Variants in SGSM3 observed in about 807,000 individuals in gnomAD.
SGSM3 encodes the protein RUN and SH3 containing 3.
Under a neutral mutation model 100.5 loss-of-function variants are expected in SGSM3, and 96 were observed. The ratio of observed to expected loss-of-function variants is 0.96; its 90% CI spans 0.81 to 1.13. SGSM3 has a LOEUF of 1.13. SGSM3 is among the 50% of genes most tolerant of loss of function. The pLI, the probability that SGSM3 is intolerant of heterozygous loss-of-function variation, is 0.00. For synonymous variants in SGSM3, 483 were observed against 422.8 expected (o/e 1.14, Z -1.75); for missense variants, 1,001 against 1,015.8 (o/e 0.99, Z 0.20).
At chr22:40,389,472 G>A (rs2049023362) in intron 1 of SGSM3, among the ~76,000 whole-genome samples, 2 of 151,450 alleles carry the variant, frequency 1.3e-5, no homozygotes, top group Non-Finnish European at 2.9e-5. Context: ...GGTGGCGGGC[G>A]CCTGTAGTCC....
intron 1 of SGSM3, among the ~76,000 whole-genome samples, chr22:40,397,146 C>T (rs549541266): frequency 6.6e-6 from 1 of 152,308 alleles, no homozygotes; most frequent in South Asian, 2.1e-4. Flanking sequence ...GCCCACCCAG[C>T]TTAACAATTC....
intron 1 of SGSM3, among the ~76,000 whole-genome samples, chr22:40,385,270 C>G (rs2048233040): frequency 1.3e-5 from 2 of 152,148 alleles, no homozygotes; most frequent in Non-Finnish European, 2.9e-5. Context: ...ATTGATGAAG[C>G]ATGGGCGCTT....
intron 1 of SGSM3, among the ~76,000 whole-genome samples, chr22:40,389,231 A>G (rs560487472): frequency 6.6e-6 from 1 of 152,256 alleles, no homozygotes; most frequent in East Asian, 1.9e-4. Flanking sequence ...ACACATAGAC[A>G]CCCAGAGAGA....
chr22:40,389,860 C>T (rs2049105121), intron 1 of SGSM3, among the ~76,000 whole-genome samples: 1 of 143,958 alleles, frequency 6.9e-6, no homozygotes, highest in Non-Finnish European at 1.5e-5. Flanking sequence ...GCCAGGATCG[C>T]GCCATTGCAC....
chr22:40,394,196 G>C (rs746549770), intron 1 of SGSM3, among the ~76,000 whole-genome samples: 2 of 152,214 alleles, frequency 1.3e-5, no homozygotes, highest in Non-Finnish European at 2.9e-5. Context: ...CTCCGTGCTT[G>C]TAAGGTGCAA....
At chr22:40,406,787 C>T in intron 10 of SGSM3, 125 bp downstream of exon 10, 1 of 919,320 alleles carries the variant, frequency 1.1e-6, no homozygotes, top group Non-Finnish European at 1.7e-6. Flanking sequence ...CCCAGCCTGG[C>T]CCAGTCAGAC....
chr22:40,392,303 C>CTT (rs985894644), intron 1 of SGSM3, among the ~76,000 whole-genome samples: 3 of 139,680 alleles, frequency 2.1e-5, no homozygotes, highest in Non-Finnish European at 4.7e-5. Flanking sequence ...AAATTACAGG[C>CTT]TTTTTTTTTT....
chr22:40,390,086 C>G (rs928945192), intron 1 of SGSM3: 4 of 152,070 alleles, frequency 2.6e-5, no homozygotes, highest in African/African-American at 9.7e-5. Context: ...AACAAGTCAT[C>G]TAGGGAAAAA....
chr22:40,395,319 A>G (rs1271625961), intron 1 of SGSM3, among the ~76,000 whole-genome samples: 3 of 151,064 alleles, frequency 2.0e-5, no homozygotes, highest in Admixed American at 6.6e-5. Flanking sequence ...AAATTACCCC[A>G]TAACTCTTTT....
chr22:40,402,272 C>A, intron 4 of SGSM3, 67 bp downstream of exon 4: 1 of 1,213,512 alleles, frequency 8.2e-7, no homozygotes, highest in Non-Finnish European at 1.2e-6. Context: ...GCTCCCTTGA[C>A]TGAATTACTC....
At chr22:40,380,197 CTA>C (rs1394714925) in intron 1 of SGSM3, among the ~76,000 whole-genome samples, 4 of 152,000 alleles carry the variant, frequency 2.6e-5, no homozygotes, top group Non-Finnish European at 5.9e-5. Flanking sequence ...TCTTGTATGA[CTA>C]TTAACATTTT....
chr22:40,400,652 T>A, intron 1 of SGSM3, 44 bp from the exon 2 acceptor site: 1 of 786,828 alleles, frequency 1.3e-6, no homozygotes, highest in South Asian at 1.6e-5. Flanking sequence ...TAAAAAAAAA[T>A]AAAAATAAAA....
rs766443686 is a variant in SGSM3, at chr22:40,408,832, T to C, written c.1892T>C (p.Leu631Pro). ...GGCAAAGTCCTGACCCCGGAGGAGCTGCTCTACCGGGTAAGGGGGCCTCCT... is the reference window on the plus strand; with the variant it reads ...GGCAAAGTCCTGACCCCGGAGGAGCCGCTCTACCGGGTAAGGGGGCCTCCT... Reference protein sequence around the residue: ...EDGKVLTPEELLYRAVQSVNV... With the variant: ...EDGKVLTPEEPLYRAVQSVNV... Residue 631 changes from leucine (L) to proline (P), a missense_variant, in exon 18 of 22, where the codon CTG (leucine) becomes CCG (proline). Transcript: ENST00000248929. 6.2e-7 allele frequency: 1 copy of C among 1,613,818 alleles called. No homozygotes were observed. The highest frequency in any genetic ancestry group is 1.1e-5 in the South Asian group (1 of 91,078).
At chr22:40,394,645 CAAAAAA>C (rs34700924) in intron 1 of SGSM3, among the ~76,000 whole-genome samples, 1 of 84,130 alleles carries the variant, frequency 1.2e-5, no homozygotes, top group Non-Finnish European at 2.3e-5. Context: ...ACTCCTGTCT[CAAAAAA>C]AAAAAAAAAA....
intron 7 of SGSM3, 93 bp downstream of exon 7, chr22:40,405,377 A>G (rs1488488480): frequency 2.2e-5 from 27 of 1,247,034 alleles, no homozygotes; most frequent in Non-Finnish European, 7.4e-6. Context: ...CAGTAGCCCC[A>G]GGGCCTCCTC....
At chr22:40,391,220 T>C (rs899746789) in intron 1 of SGSM3, among the ~76,000 whole-genome samples, 1 of 152,210 alleles carries the variant, frequency 6.6e-6, no homozygotes, top group Non-Finnish European at 1.5e-5. Flanking sequence ...CAGGTCCTAC[T>C]CACACCTGCT....
rs2051199317 is a variant in SGSM3, at chr22:40,404,620, A to G, written c.430A>G (p.Ile144Val). Residue 144 changes from isoleucine to valine, a missense_variant, in exon 6 of 22, where the codon ATT (isoleucine) becomes GTT (valine). Ile to Val is a conservative substitution (Grantham distance 29). Coordinates refer to ENST00000248929, the MANE Select transcript of SGSM3 (RefSeq NM_015705.6). ...KRNSELSYREIVKNSSNDETI... is the reference protein window; with the variant it reads ...KRNSELSYREVVKNSSNDETI... The stretch of plus-strand genomic sequence containing the variant: ...GAACTCTGAGCTGTCCTACCGCGAG[A>G]TTGTGAAGAACAGCTCCAACGATGA... 3 of 1,613,576 alleles carry G rather than the reference A, an allele frequency of 1.9e-6. No homozygotes were observed. The highest frequency in any genetic ancestry group is 1.7e-5 in the Admixed American group (1 of 59,982).
intron 6 of SGSM3, 111 bp downstream of exon 6, chr22:40,404,775 A>G (rs1225817102): frequency 3.9e-6 from 3 of 762,762 alleles, no homozygotes; most frequent in Non-Finnish European, 4.4e-6. Flanking sequence ...GTAGGGGAGG[A>G]TATTTGCTCC....
chr22:40,370,975 G>A (rs2146695697), intron 1 of SGSM3, among the ~76,000 whole-genome samples: 1 of 152,366 alleles, frequency 6.6e-6, no homozygotes, highest in Admixed American at 6.5e-5. Context: ...GGCGCCAGCC[G>A]GAATCCACCG....
Sources: gnomAD v4.1 joint callset for allele counts (sites outside exome capture counted in the v4.1 genomes callset) on GRCh38, gnomAD v4.1.1 for gene constraint, MANE v1.5 for transcripts, NCBI Gene and HGNC (gene_info 2026-07-23, HGNC 2026-07-21) for gene names.